Variants in CD101 observed in about 807,000 individuals in gnomAD.
The protein encoded by CD101 is CD101 molecule.
Under a neutral mutation model 98.2 loss-of-function variants are expected in CD101, and 76 were observed. That is an observed-to-expected ratio of 0.77 (90% CI 0.64 to 0.94). CD101 has a LOEUF of 0.94. Ranked by LOEUF, CD101 falls within the 40% of genes least tolerant of loss-of-function variation. The pLI is 0.00. For missense variants in CD101, 1,145 were observed against 1,218.8 expected, an observed-to-expected ratio of 0.94 and a Z score of 0.90; for synonymous variants, 471 against 472.7, an observed-to-expected ratio of 1.00 and a Z score of 0.05.
At chr1:117,027,572 C>T (rs1654021805) in intron 8 of CD101, among the ~76,000 whole-genome samples, 1 of 152,142 alleles carries the variant, frequency 6.6e-6, no homozygotes, top group South Asian at 2.1e-4. Flanking sequence ...CGGGGAACTC[C>T]TGGTCATTGA....
Position 117,006,685 on chromosome 1 carries a change from T to A in CD101, c.44-3165T>A, listed in dbSNP as rs1652552001. Among the ~76,000 whole-genome samples, 1 of 151,996 alleles carries A rather than the reference T, an allele frequency of 6.6e-6. No individual in the cohort carries two copies. The highest frequency in any genetic ancestry group is 2.1e-4 in the South Asian group (1 of 4,828). ...CAAAATCCATTTCTAATGCCATCTC[T>A]TATGCCATCTCCATAAACCTATTTC... On this transcript the variant is annotated intron_variant, in intron 1 of 9. Transcript: ENST00000682167. The surrounding 1 kb of genome is among the most constrained non-coding windows in gnomAD (Gnocchi z 4.4).
chr1:117,016,146 C>T (rs554737614), intron 4 of CD101, among the ~76,000 whole-genome samples: 4 of 149,618 alleles, frequency 2.7e-5, no homozygotes, highest in South Asian at 2.1e-4. Context: ...TTGTTGTACA[C>T]GTTGTTGTAC....
intron 4 of CD101, among the ~76,000 whole-genome samples, chr1:117,014,415 G>T (rs1653084619): frequency 6.6e-6 from 1 of 152,112 alleles, no homozygotes; most frequent in South Asian, 2.1e-4. Flanking sequence ...GAAATGAAGA[G>T]GTAATTGATA....
At chr1:117,029,281 A>G (rs1424532490) in intron 8 of CD101, among the ~76,000 whole-genome samples, 1 of 145,954 alleles carries the variant, frequency 6.9e-6, no homozygotes, top group Non-Finnish European at 1.5e-5. Context: ...AAGAGTAGAT[A>G]CGGTTGACAG....
chr1:117,009,362 G>A (rs9332416), intron 1 of CD101, among the ~76,000 whole-genome samples: 60,939 of 152,114 alleles, frequency 0.4, 12,638 homozygotes, highest in East Asian at 0.61. Context: ...AGGAGCTACA[G>A]ATAGTTCCAA....
Position 117,018,510 on chromosome 1 carries a change from C to G in CD101, c.1967C>G (p.Pro656Arg), listed in dbSNP as rs751714684. 1 of 1,612,328 alleles carries G rather than the reference C, an allele frequency of 6.2e-7. No individual in the cohort carries two copies. Among genetic ancestry groups the G allele is most frequent in the Admixed American group, 1.7e-5 (1 of 59,980 alleles). The change falls in exon 6 of 10, where the codon CCG (proline) becomes CGG (arginine). Residue 656 changes from proline (P) to arginine (R), a missense_variant. Pro to Arg is a moderately radical substitution (Grantham distance 103, BLOSUM62 -2). Coordinates refer to ENST00000682167, the MANE Select transcript of CD101 (RefSeq NM_001256106.3). The surrounding 1 kb of genome is among the most constrained non-coding windows in gnomAD (Gnocchi z 4.3). ...AATTCCCTATACAACAACCGCCCCC[C>G]GAGGGCTTCTGCCATCTCTCACCCA... The part of the protein sequence containing the change: ...DRNSLYNNRP[P>R]RASAISHPLR...
chr1:117,025,458 T>C (rs962187434), intron 7 of CD101, 51 bp from the exon 8 acceptor site: 13 of 1,465,216 alleles, frequency 8.9e-6, no homozygotes, highest in African/African-American at 1.4e-5. Context: ...AGAGGTGGTA[T>C]CCAAATCTGA....
At position 117,025,878 on chromosome 1, in the gene CD101, G is replaced by T. The variant is rs12093834; in HGVS notation, c.2798G>T (p.Arg933Leu). The T allele has an allele frequency of 5.9e-5, 95 of 1,612,488 alleles. No homozygotes were observed. In the Middle Eastern group the frequency reaches 1.5e-3, roughly 25 times the overall value. Residue 933 changes from arginine to leucine, a missense_variant, in exon 8 of 10, where the codon CGG becomes CTG. By Grantham distance (102) the Arg-to-Leu change is moderately radical (BLOSUM62 -2). Coordinates refer to ENST00000682167, the MANE Select transcript of CD101 (RefSeq NM_001256106.3). ...WINQASDESQ[R>L]MVLTVLPSEP... ...AATCAAGCATCCGATGAGTCACAGC[G>T]GATGGTGCTCACGGTGCTGCCTTCA... is the stretch of plus-strand genomic sequence containing the variant.
chr1:117,031,724 A>G (rs1018320380), intron 8 of CD101, among the ~76,000 whole-genome samples: 3 of 152,210 alleles, frequency 2.0e-5, no homozygotes, highest in Admixed American at 1.3e-4. Flanking sequence ...TTTATTATAC[A>G]TTATCTCATC....
chr1:117,011,979 C>T lies in CD101; in HGVS notation c.841+13C>T. Reference sequence around the variant, plus strand: ...ATCCAGCCAGCAGGTAATTATCTTCCTACGAAATTCATTAATACACTAGTA... The same window carrying T: ...ATCCAGCCAGCAGGTAATTATCTTCTTACGAAATTCATTAATACACTAGTA... On this transcript the variant is annotated intron_variant, in intron 3 of 9. Coordinates refer to ENST00000682167, the MANE Select transcript of CD101 (RefSeq NM_001256106.3). 1.2e-6 allele frequency: 2 copies of T among 1,601,600 alleles called. No homozygotes were observed. The highest frequency in any genetic ancestry group is 1.7e-6 in the Non-Finnish European group (2 of 1,171,730).
intron 9 of CD101, among the ~76,000 whole-genome samples, chr1:117,034,915 G>C (rs893488656): frequency 2.6e-5 from 4 of 152,174 alleles, no homozygotes; most frequent in African/African-American, 4.8e-5. Context: ...TGCTCAGCCA[G>C]TGCCTTATTT....
At chr1:117,015,540 A>C (rs1298937433) in intron 4 of CD101, among the ~76,000 whole-genome samples, 1 of 152,212 alleles carries the variant, frequency 6.6e-6, no homozygotes, top group African/African-American at 2.4e-5. Flanking sequence ...TTTGTTACTT[A>C]TGTATATGTA....
Position 117,010,218 on chromosome 1 carries a change from ACTAAT to A in CD101, c.418_422del (p.Leu140CysfsTer17). The A allele has an allele frequency of 6.2e-7, 1 of 1,607,612 alleles. No homozygotes were observed. The highest frequency in any genetic ancestry group is 8.5e-7 in the Non-Finnish European group (1 of 1,174,846). On this transcript the variant is annotated frameshift_variant, in exon 2 of 10. Coordinates refer to ENST00000682167, the MANE Select transcript of CD101 (RefSeq NM_001256106.3). LOFTEE classifies it high-confidence loss of function. This position sits in a 1 kb window ranked among gnomAD's most constrained non-coding sequence, Gnocchi z 5.2. Reference sequence around the variant, plus strand: ...ATACTATGGAAGTTACAGTGCAAAGACTAATCTAATTGGTAAGTTGCTTGTCCACT... The same window carrying A: ...ATACTATGGAAGTTACAGTGCAAAGACTAATTGGTAAGTTGCTTGTCCACT...
intron 1 of CD101, among the ~76,000 whole-genome samples, chr1:117,002,438 C>A (rs1374756030): frequency 1.3e-5 from 2 of 152,114 alleles, no homozygotes; most frequent in East Asian, 1.9e-4. Context: ...CTTGCCTGAT[C>A]TAGGGGCATT....
At chr1:117,029,443 T>C (rs1216987900) in intron 8 of CD101, among the ~76,000 whole-genome samples, 2 of 152,282 alleles carry the variant, frequency 1.3e-5, no homozygotes, top group East Asian at 3.9e-4. Flanking sequence ...ATGCCATCTT[T>C]CCCTGGTCAA....
At chr1:117,031,571 G>A (rs1654469587) in intron 8 of CD101, among the ~76,000 whole-genome samples, 1 of 152,234 alleles carries the variant, frequency 6.6e-6, no homozygotes, top group Non-Finnish European at 1.5e-5. Flanking sequence ...CTGTGGGAGA[G>A]ATATCTGTAG....
intron 1 of CD101, among the ~76,000 whole-genome samples, chr1:117,003,372 T>G: frequency 6.6e-6 from 1 of 152,126 alleles, no homozygotes; most frequent in East Asian, 1.9e-4. Context: ...TATGATAGTG[T>G]GAGGTTAAGA....
At chr1:117,026,090 G>A (rs1208136313) in intron 8 of CD101, 186 bp downstream of exon 8, 1 of 584,602 alleles carries the variant, frequency 1.7e-6, no homozygotes, top group Non-Finnish European at 2.9e-6. Context: ...GAACAAACAA[G>A]GTCCACATGA....
At chr1:117,011,511 A>C in intron 2 of CD101, 39 bp from the exon 3 acceptor site, 1 of 1,575,846 alleles carries the variant, frequency 6.3e-7, no homozygotes, top group Non-Finnish European at 8.6e-7. Context: ...CTGGACAAGC[A>C]CTGGGCCAGT....
Sources: allele counts gnomAD v4.1 joint callset (sites outside exome capture counted in the v4.1 genomes callset), GRCh38; gene constraint gnomAD v4.1.1; non-coding constraint Gnocchi (gnomAD v3.1); transcripts MANE v1.5; gene names NCBI Gene and HGNC (gene_info 2026-07-23, HGNC 2026-07-21).